GLIS3: variants seen among roughly 807,000 people sequenced by gnomAD.
GLIS3 encodes zinc finger protein GLIS3.
A neutral mutation model predicts 78.6 loss-of-function variants in GLIS3; 53 were observed. That is an observed-to-expected ratio of 0.67 (90% confidence interval 0.54 to 0.85). The LOEUF (loss-of-function observed/expected upper bound fraction) is 0.85, where lower values mean the gene tolerates loss of function less well. Ranked by LOEUF, GLIS3 falls within the 40% of genes least tolerant of loss-of-function variation. GLIS3 has a pLI of 0.00. For synonymous variants in GLIS3, 684 were observed against 509.9 expected, an observed-to-expected ratio of 1.34 and a Z score of -4.60; for missense variants, 1,703 against 1,231.1, an observed-to-expected ratio of 1.38 and a Z score of -5.74.
intron 4 of GLIS3, among the ~76,000 whole-genome samples, chr9:3,958,588 G>A (rs754685827): frequency 7.9e-5 from 12 of 152,182 alleles, no homozygotes; most frequent in African/African-American, 1.2e-4. Context: ...TAATAAACAC[G>A]TGTTGGGCTT....
chr9:4,399,167 T>G, the GLIS3 span, among the ~76,000 whole-genome samples: 1 of 152,214 alleles, frequency 6.6e-6, no homozygotes, highest in African/African-American at 2.4e-5. Context: ...TATTGACTGC[T>G]GCCAACACAA....
intron 4 of GLIS3, among the ~76,000 whole-genome samples, chr9:3,963,166 CTT>C (rs920443349): frequency 1.8e-4 from 28 of 152,260 alleles, no homozygotes; most frequent in African/African-American, 6.5e-4. Context: ...CTTTGAAAGA[CTT>C]ATTTTTGTGT....
chr9:4,406,725 C>G, the GLIS3 span, among the ~76,000 whole-genome samples: 1 of 151,972 alleles, frequency 6.6e-6, no homozygotes, highest in East Asian at 1.9e-4. Flanking sequence ...ACTTAAGTAC[C>G]TAGGAATTAA....
rs555532424 is a variant in GLIS3 at position 4,325,692 on chromosome 9, T to G, written n.265-15164A>C. 3.3e-5 allele frequency among the ~76,000 whole-genome samples: 5 copies of G among 152,298 alleles called. No homozygotes were observed. In the South Asian group the frequency reaches 8.3e-4, roughly 25 times the overall value. On this transcript the variant is annotated intron_variant and non_coding_transcript_variant, in intron 2 of 4. Coordinates refer to the GLIS3 transcript ENST00000471664. ...GAGTTTGAGCCAAAATCAACTCTCT[T>G]TTTTTTGAGATAAATATGTTTGTTT...
chr9:4,225,874 G>C (rs1044843746), intron 2 of GLIS3, among the ~76,000 whole-genome samples: 18 of 152,214 alleles, frequency 1.2e-4, no homozygotes, highest in Admixed American at 1.3e-4. Flanking sequence ...TTTCTTCAGG[G>C]GAAATGAGGA....
chr9:3,837,953 C>G (rs1264446282), intron 9 of GLIS3, among the ~76,000 whole-genome samples: 2 of 144,528 alleles, frequency 1.4e-5, no homozygotes, highest in African/African-American at 5.2e-5. Context: ...AAAGGCACCA[C>G]TCTGGTGTGG....
At chr9:4,149,987 C>T (rs188303457) in intron 2 of GLIS3, among the ~76,000 whole-genome samples, 192 of 152,308 alleles carry the variant, frequency 1.3e-3, no homozygotes, top group Non-Finnish European at 2.1e-3. Flanking sequence ...ACAGTTCATA[C>T]GGATATATGT....
chr9:4,109,138 G>GAA (rs1009561661), intron 4 of GLIS3, among the ~76,000 whole-genome samples: 4 of 147,712 alleles, frequency 2.7e-5, no homozygotes, highest in Non-Finnish European at 6.0e-5. Context: ...AGTCTGAGCA[G>GAA]AAAAAAAAAA....
chr9:4,449,876 A>G, the GLIS3 span, among the ~76,000 whole-genome samples: 1 of 152,170 alleles, frequency 6.6e-6, no homozygotes, highest in Non-Finnish European at 1.5e-5. Flanking sequence ...AGATAAAACC[A>G]CAAAGATGGG....
intron 4 of GLIS3, among the ~76,000 whole-genome samples, chr9:4,045,161 G>A (rs1187921248): frequency 1.3e-5 from 2 of 152,100 alleles, no homozygotes; most frequent in Non-Finnish European, 2.9e-5. Context: ...ATTCAATTTT[G>A]TGTTTCCAAG....
chr9:4,169,920 T>C lies in GLIS3; in HGVS notation c.389-43979A>G, dbSNP rs147451552. Among the ~76,000 whole-genome samples the C allele has an allele frequency of 8.4e-4, 128 of 152,330 alleles. No homozygotes were observed. In the East Asian group the frequency reaches 0.015, roughly 18 times the overall value. On this transcript the variant is annotated intron_variant, in intron 2 of 10. Coordinates refer to ENST00000381971, the MANE Select transcript of GLIS3 (RefSeq NM_001042413.2). ...GAATATAATTAGCAATCAGTAAATATTGACCAAATGTCGCTTCAATTTCTC... is the reference window on the plus strand; with the variant it reads ...GAATATAATTAGCAATCAGTAAATACTGACCAAATGTCGCTTCAATTTCTC...
At chr9:3,891,258 T>C (rs977640082) in intron 7 of GLIS3, among the ~76,000 whole-genome samples, 10 of 152,168 alleles carry the variant, frequency 6.6e-5, no homozygotes, top group African/African-American at 2.4e-4. Context: ...AAGAACTCTT[T>C]ATGTCATTTA....
At chr9:4,398,971 GC>G in the GLIS3 span, among the ~76,000 whole-genome samples, 2 of 152,302 alleles carry the variant, frequency 1.3e-5, no homozygotes, top group South Asian at 4.1e-4. Context: ...ACAGGCGTGA[GC>G]CACCGTACCC....
chr9:4,359,773 A>G, the GLIS3 span, among the ~76,000 whole-genome samples: 8 of 152,224 alleles, frequency 5.3e-5, no homozygotes, highest in African/African-American at 1.9e-4. Context: ...ACTGAGAGGT[A>G]CACACTGCCC....
At chr9:4,302,927 G>C (rs1041750033), upstream of GLIS3, among the ~76,000 whole-genome samples, 1 of 152,140 alleles carries the variant, frequency 6.6e-6, no homozygotes, top group Admixed American at 6.5e-5. Flanking sequence ...GATAAGCAAA[G>C]GAGACCATTT....
At chr9:3,967,011 C>CAAA (rs776900943) in intron 4 of GLIS3, among the ~76,000 whole-genome samples, 576 of 29,442 alleles carry the variant, frequency 0.02, 34 homozygotes, top group Middle Eastern at 0.031. Flanking sequence ...TTTCTTTCTG[C>CAAA]AAAAAAAAAA....
At chr9:4,381,599 A>C in the GLIS3 span, among the ~76,000 whole-genome samples, 1 of 152,030 alleles carries the variant, frequency 6.6e-6, no homozygotes, top group Admixed American at 6.5e-5. Flanking sequence ...ATCTGCATGC[A>C]TGAACCTCCA....
chr9:4,100,748 A>G (rs1364234651), intron 4 of GLIS3, among the ~76,000 whole-genome samples: 1 of 152,198 alleles, frequency 6.6e-6, no homozygotes, highest in East Asian at 1.9e-4. Context: ...AAGGAAAAAA[A>G]CTAATTCTTG....
chr9:4,230,308 G>A (rs573419810), intron 2 of GLIS3, among the ~76,000 whole-genome samples: 1 of 152,210 alleles, frequency 6.6e-6, no homozygotes, highest in East Asian at 1.9e-4. Flanking sequence ...CCGAACTGCA[G>A]GCCAGAAGCA....
Sources: allele counts gnomAD v4.1 joint callset (sites outside exome capture counted in the v4.1 genomes callset), GRCh38; gene constraint gnomAD v4.1.1; transcripts MANE v1.5; gene names NCBI Gene and HGNC (gene_info 2026-07-23, HGNC 2026-07-21).